Variants in ZKSCAN3 observed in about 807,000 individuals in gnomAD.
ZKSCAN3 encodes the protein zinc finger protein with KRAB and SCAN domains 3.
ZKSCAN3 carries 21 observed loss-of-function variants against 30.7 expected under a neutral mutation model. That is an observed-to-expected ratio of 0.68 (90% CI 0.49 to 0.99). The LOEUF (loss-of-function observed/expected upper bound fraction) is 0.99, where lower values mean the gene tolerates loss of function less well. Among genes scored for constraint, ZKSCAN3 ranks in the 50% least tolerant of loss-of-function variants. ZKSCAN3 has a pLI of 0.00. For missense variants in ZKSCAN3, 507 were observed against 647.1 expected, an observed-to-expected ratio of 0.78 and a Z score of 2.35; for synonymous variants, 201 against 246.7, an observed-to-expected ratio of 0.81 and a Z score of 1.73.
intron 3 of ZKSCAN3, 100 bp downstream of exon 3, chr6:28,361,571 T>C: frequency 7.5e-7 from 1 of 1,340,066 alleles, no homozygotes; most frequent in Non-Finnish European, 1.0e-6. Context: ...TATGTGCCCA[T>C]CACAGATCAA....
intron 5 of ZKSCAN3, 104 bp from the exon 6 acceptor site, chr6:28,365,322 T>A: frequency 6.9e-7 from 1 of 1,458,630 alleles, no homozygotes; most frequent in Non-Finnish European, 9.2e-7. Context: ...TAAATCCTCA[T>A]CCCAGGCATT....
intron 1 of ZKSCAN3, among the ~76,000 whole-genome samples, chr6:28,354,531 C>T (rs1765292447): frequency 6.6e-6 from 1 of 152,140 alleles, no homozygotes; most frequent in South Asian, 2.1e-4. Flanking sequence ...AAGTCTGACA[C>T]ATAGGCTCTG....
At chr6:28,357,223 C>G (rs140139068) in intron 1 of ZKSCAN3, among the ~76,000 whole-genome samples, 1 of 152,246 alleles carries the variant, frequency 6.6e-6, no homozygotes, top group African/African-American at 2.4e-5. Context: ...ATGCCTGCTT[C>G]GCTGCAGCAC....
chr6:28,354,889 T>A (rs1017605508), intron 1 of ZKSCAN3, among the ~76,000 whole-genome samples: 5 of 152,256 alleles, frequency 3.3e-5, no homozygotes, highest in East Asian at 1.9e-4. Flanking sequence ...TAAGCCTTGA[T>A]AAACTGCCCA....
Position 28,366,114 on chromosome 6 carries a change from T to G in ZKSCAN3, c.1446T>G (p.Cys482Trp). ...TTGAAACTCCCATGTCTTATAAATG[T>G]AATGAGTGTGAAAGAAGTTTCACTC... ...ENVETPMSYK[C>W]NECERSFTQN... is the part of the protein sequence containing the mutation. The change falls in exon 6 of 6, where the codon TGT (cysteine) becomes TGG (tryptophan). Residue 482 changes from cysteine (C) to tryptophan (W), a missense_variant. Coordinates refer to ENST00000252211, the MANE Select transcript of ZKSCAN3 (RefSeq NM_024493.4). 1 of 1,610,318 alleles carries G rather than the reference T, an allele frequency of 6.2e-7. No homozygotes were observed. The highest frequency in any genetic ancestry group is 8.5e-7 in the Non-Finnish European group (1 of 1,178,750).
chr6:28,353,184 G>A (rs1257786222), intron 1 of ZKSCAN3: 1 of 152,428 alleles, frequency 6.6e-6, no homozygotes, highest in Non-Finnish European at 1.5e-5. Context: ...GGCCAGGATG[G>A]TCTCGATCTC....
chr6:28,366,317 T>C lies in ZKSCAN3; in HGVS notation c.*32T>C. On this transcript the variant is annotated 3_prime_UTR_variant, in exon 6 of 6. Transcript: ENST00000252211. ...CCATACATGCCAGAGTTGGTGCTCA[T>C]TTGTCACTGATCTGAAGCCACTCCC... is the stretch of plus-strand genomic sequence containing the variant. 1 of 1,500,748 alleles carries C rather than the reference T, an allele frequency of 6.7e-7. No homozygotes were observed. The allele number at this position is 1,500,748 out of a possible 1,614,324, so 93.0% of individuals were successfully genotyped here.
chr6:28,363,737 T>G lies in ZKSCAN3; in HGVS notation c.679T>G (p.Trp227Gly), dbSNP rs756244642. ...EDVALTLTPE[W>G]TQQDSSQGNL... is the part of the protein sequence containing the mutation. ...TGTGGCCCTGACCCTCACCCCTGAA[T>G]GGACACAGCAGGATTCATCTCAGGG... The change falls in exon 5 of 6, where the codon TGG becomes GGG. Residue 227 changes from tryptophan (W) to glycine (G), a missense_variant. Transcript: ENST00000252211. 1 of 1,614,046 alleles carries G rather than the reference T, an allele frequency of 6.2e-7. No individual in the cohort carries two copies. Among genetic ancestry groups the G allele is most frequent in the Non-Finnish European group, 8.5e-7 (1 of 1,179,962 alleles).
At chr6:28,354,185 C>G (rs1317714680) in intron 1 of ZKSCAN3, 1 of 346,328 alleles carries the variant, frequency 2.9e-6, no homozygotes, top group East Asian at 7.5e-5. Context: ...CAGTTTTTCT[C>G]TCTCTCTCTG....
At chr6:28,352,953 C>A (rs1315960326) in intron 1 of ZKSCAN3, among the ~76,000 whole-genome samples, 2 of 142,408 alleles carry the variant, frequency 1.4e-5, no homozygotes, top group East Asian at 4.1e-4. Context: ...CATTTCTTTT[C>A]TTTTCTTTTT....
rs1054372 is a variant in ZKSCAN3, at chr6:28,368,965, G to T, written c.*2680G>T. The T allele has an allele frequency of 0.35, 53,867 of 152,428 alleles. 10,235 individuals carry two copies. Among genetic ancestry groups the T allele is most frequent in the African/African-American group, 0.49 (20,495 of 41,426 alleles). 9.4% of individuals were successfully genotyped at this position (152,428 alleles called of 1,614,324 possible). On this transcript the variant is annotated 3_prime_UTR_variant, in exon 6 of 6. Coordinates refer to ENST00000252211, the MANE Select transcript of ZKSCAN3 (RefSeq NM_024493.4). ...TTTGATAGTTAATGACTTGGGCATT[G>T]TGATATATTATCTCCTGCTGTATGT...
chr6:28,365,634 T>G lies in ZKSCAN3; in HGVS notation c.966T>G (p.Ser322Arg). 6.2e-7 allele frequency: 1 copy of G among 1,613,866 alleles called. No homozygotes were observed. Among genetic ancestry groups the G allele is most frequent in the Non-Finnish European group, 8.5e-7 (1 of 1,179,992 alleles). Reference protein sequence around the residue: ...RRHICHECGKSFAQSSGLSKH... With the variant: ...RRHICHECGKRFAQSSGLSKH... The stretch of plus-strand genomic sequence containing the variant: ...ACATCTGCCATGAATGTGGAAAGAG[T>G]TTTGCTCAAAGCTCAGGCCTGAGTA... Residue 322 changes from serine to arginine, a missense_variant, in exon 6 of 6, where the codon AGT becomes AGG. Transcript: ENST00000252211.
At chr6:28,353,890 C>A (rs371283912) in intron 1 of ZKSCAN3, 91 of 456,388 alleles carry the variant, frequency 2.0e-4, no homozygotes, top group African/African-American at 1.6e-3. Context: ...CAGGTTCCAG[C>A]CCATACTGAG....
chr6:28,364,648 A>G lies in ZKSCAN3; in HGVS notation c.758-778A>G, dbSNP rs551515445. Among the ~76,000 whole-genome samples, 41 of 152,310 alleles carry G rather than the reference A, an allele frequency of 2.7e-4. No individual in the cohort carries two copies. The Middle Eastern group carries it at 0.01, about 38-fold the overall frequency. ...TTTGGGGACCCTGCCTCTGCCTGGG[A>G]TATGAACCGAGACAACTGTCTTTAT... On this transcript the variant is annotated intron_variant, in intron 5 of 5. Transcript: ENST00000252211.
In ZKSCAN3 at chr6:28,361,491, C is replaced by T; in HGVS notation, c.550+20C>T. On this transcript the variant is annotated intron_variant, in intron 3 of 5. Coordinates refer to ENST00000252211, the MANE Select transcript of ZKSCAN3 (RefSeq NM_024493.4). Reference sequence around the variant, plus strand: ...ATAGAGGTAAGGATTATTTTCTAGACAGTATGAATTCTGCAGACTTCATCC... The same window carrying T: ...ATAGAGGTAAGGATTATTTTCTAGATAGTATGAATTCTGCAGACTTCATCC... 1 of 1,588,694 alleles carries T rather than the reference C, an allele frequency of 6.3e-7. No individual in the cohort carries two copies. The highest frequency in any genetic ancestry group is 8.5e-7 in the Non-Finnish European group (1 of 1,169,772).
intron 3 of ZKSCAN3, 133 bp from the exon 4 acceptor site, chr6:28,363,170 A>G: frequency 1.4e-6 from 1 of 726,648 alleles, no homozygotes; most frequent in East Asian, 2.7e-5. Context: ...ATCACAGCTC[A>G]TTGCAGCTTC....
chr6:28,356,969 G>A (rs1765473662), intron 1 of ZKSCAN3, among the ~76,000 whole-genome samples: 1 of 152,232 alleles, frequency 6.6e-6, no homozygotes, highest in African/African-American at 2.4e-5. Flanking sequence ...AAGGGGAGTG[G>A]GTGGATGGGG....
rs1205996709 is a variant in ZKSCAN3, at chr6:28,351,480, A to G, written c.-63+1413A>G. On this transcript the variant is annotated intron_variant, in intron 1 of 5. Transcript: ENST00000252211. The surrounding 1 kb of genome is among the most constrained non-coding windows in gnomAD (Gnocchi z 4.6). ...TTAGGACATTGTTTAATTTTCTAAA[A>G]TTTTGGAGAGAAATTTAAACACATT... Among the ~76,000 whole-genome samples, 1 of 152,150 alleles carries G rather than the reference A, an allele frequency of 6.6e-6. No individual in the cohort carries two copies. Among genetic ancestry groups the G allele is most frequent in the Non-Finnish European group, 1.5e-5 (1 of 68,020 alleles).
chr6:28,363,499 T>C (rs1263730580), intron 4 of ZKSCAN3, 114 bp downstream of exon 4: 3 of 1,266,386 alleles, frequency 2.4e-6, no homozygotes, highest in Non-Finnish European at 3.3e-6. Context: ...CATACAGATC[T>C]CAAATGGGAT....
Sources: allele counts gnomAD v4.1 joint callset (sites outside exome capture counted in the v4.1 genomes callset), GRCh38; gene constraint gnomAD v4.1.1; non-coding constraint Gnocchi (gnomAD v3.1); transcripts MANE v1.5; gene names NCBI Gene and HGNC (gene_info 2026-07-23, HGNC 2026-07-21).